Variants in CCDC7 observed in about 807,000 individuals in gnomAD.
The protein encoded by CCDC7 is coiled-coil domain-containing protein 7.
CCDC7 carries 183 observed loss-of-function variants against 196.9 expected under a neutral mutation model. The observed-to-expected ratio is 0.93, with a 90% CI of 0.82 to 1.05. The LOEUF (loss-of-function observed/expected upper bound fraction) is 1.05, where lower values mean the gene tolerates loss of function less well. Ranked by LOEUF, CCDC7 falls within the 50% of genes least tolerant of loss-of-function variation. The probability of loss-of-function intolerance (pLI) is 0.00; values close to 1 mark genes in which losing one functional copy is unlikely to be tolerated. For synonymous variants in CCDC7, 525 were observed against 484.6 expected (o/e 1.08, Z -1.10); for missense variants, 1,540 against 1,482.2 (o/e 1.04, Z -0.64).
chr10:32,620,207 G>A (rs1043512737), intron 18 of CCDC7, among the ~76,000 whole-genome samples: 6 of 152,102 alleles, frequency 3.9e-5, no homozygotes, highest in African/African-American at 1.4e-4. Flanking sequence ...ATAGGCATGA[G>A]CCACTGTGCC....
intron 31 of CCDC7, among the ~76,000 whole-genome samples, chr10:32,821,245 A>G (rs1233300098): frequency 3.3e-5 from 5 of 152,364 alleles, no homozygotes; most frequent in African/African-American, 1.2e-4. Flanking sequence ...AGAAATGCAA[A>G]TCAAAACCAC....
At chr10:32,648,761 T>A (rs1263511304) in intron 20 of CCDC7, among the ~76,000 whole-genome samples, 1 of 152,224 alleles carries the variant, frequency 6.6e-6, no homozygotes, top group Non-Finnish European at 1.5e-5. Flanking sequence ...TCTCTAACGA[T>A]CAGAGATACT....
At chr10:32,790,524 G>A (rs1487793696) in intron 29 of CCDC7, among the ~76,000 whole-genome samples, 1 of 152,134 alleles carries the variant, frequency 6.6e-6, no homozygotes, top group Non-Finnish European at 1.5e-5. Flanking sequence ...GCAGAACATG[G>A]GCTTTATTGT....
At chr10:32,811,527 G>A (rs2087113441) in intron 30 of CCDC7, among the ~76,000 whole-genome samples, 1 of 152,074 alleles carries the variant, frequency 6.6e-6, no homozygotes, top group African/African-American at 2.4e-5. Context: ...TTCCGTAGCA[G>A]AGGAGATTGA....
At chr10:32,688,804 C>G (rs1318728883) in intron 22 of CCDC7, among the ~76,000 whole-genome samples, 1 of 152,006 alleles carries the variant, frequency 6.6e-6, no homozygotes, top group Non-Finnish European at 1.5e-5. Flanking sequence ...ATATAAAAAA[C>G]CTAAGAAAGC....
chr10:32,858,244 A>G (rs1349436892), intron 41 of CCDC7, among the ~76,000 whole-genome samples: 2 of 152,188 alleles, frequency 1.3e-5, no homozygotes, highest in Non-Finnish European at 2.9e-5. Context: ...GTGCTTCTTA[A>G]ACTCTTCCAA....
intron 31 of CCDC7, among the ~76,000 whole-genome samples, chr10:32,822,289 A>G (rs1440439140): frequency 6.6e-6 from 1 of 152,180 alleles, no homozygotes; most frequent in Non-Finnish European, 1.5e-5. Context: ...CTGTATAAAA[A>G]ATTTATATAA....
intron 20 of CCDC7, among the ~76,000 whole-genome samples, chr10:32,651,516 G>T (rs1249421365): frequency 6.6e-6 from 1 of 152,174 alleles, no homozygotes; most frequent in Non-Finnish European, 1.5e-5. Flanking sequence ...ATGAAAAATG[G>T]CTCAGCAGTC....
intron 20 of CCDC7, among the ~76,000 whole-genome samples, chr10:32,649,798 A>G (rs535999422): frequency 5.4e-4 from 83 of 152,338 alleles, no homozygotes; most frequent in Middle Eastern, 3.4e-3. Flanking sequence ...AACTTGGTCT[A>G]TTCTGCTGTT....
chr10:32,758,369 G>A lies in CCDC7; in HGVS notation c.2906-20608G>A, dbSNP rs188693279. 3.9e-5 allele frequency among the ~76,000 whole-genome samples: 6 copies of A among 152,222 alleles called. No homozygotes were observed. The East Asian group carries it at 9.6e-4, about 24-fold the overall frequency. On this transcript the variant is annotated intron_variant, in intron 28 of 41. Coordinates refer to ENST00000639629, the Ensembl canonical transcript of CCDC7. The stretch of plus-strand genomic sequence containing the variant: ...ATCCTCAATGAAATACTGGCAATCC[G>A]AATCCAGCAGCACATCAAAAACTTA...
intron 29 of CCDC7, among the ~76,000 whole-genome samples, chr10:32,784,782 T>C (rs1231608874): frequency 6.6e-6 from 1 of 151,998 alleles, no homozygotes; most frequent in Non-Finnish European, 1.5e-5. Context: ...AGAGTAGATC[T>C]CCCGAGGTCA....
At position 32,785,939 on chromosome 10, in the gene CCDC7, GT is replaced by G. The variant is rs367966572; in HGVS notation, c.3013+6856del. 9.0e-4 allele frequency among the ~76,000 whole-genome samples: 137 copies of G among 152,212 alleles called. 1 individual carries two copies. Among genetic ancestry groups the G allele is most frequent in the African/African-American group, 3.1e-3 (127 of 41,530 alleles). ...GATTCCTTCCTCAGCTTGATATATA[GT>G]GCTGTTAATACCTGTGATTAACAAG... On this transcript the variant is annotated intron_variant, in intron 29 of 41. Coordinates refer to ENST00000639629, the Ensembl canonical transcript of CCDC7.
intron 25 of CCDC7, among the ~76,000 whole-genome samples, chr10:32,714,159 A>T (rs1026200570): frequency 6.6e-6 from 1 of 152,166 alleles, no homozygotes; most frequent in Non-Finnish European, 1.5e-5. Flanking sequence ...AGTGATACCA[A>T]TGCAGAAGGT....
At chr10:32,776,690 C>T (rs1258067796) in intron 28 of CCDC7, among the ~76,000 whole-genome samples, 5 of 152,018 alleles carry the variant, frequency 3.3e-5, no homozygotes, top group Non-Finnish European at 7.4e-5. Flanking sequence ...TTAGTATAAT[C>T]GATGGCATAT....
intron 28 of CCDC7, among the ~76,000 whole-genome samples, chr10:32,748,054 C>A (rs1042906762): frequency 2.6e-5 from 4 of 152,160 alleles, no homozygotes; most frequent in African/African-American, 9.7e-5. Context: ...AACTCATGTC[C>A]TTTGCAGCAA....
At chr10:32,767,654 C>G (rs1409617464) in intron 28 of CCDC7, among the ~76,000 whole-genome samples, 1 of 151,986 alleles carries the variant, frequency 6.6e-6, no homozygotes, top group African/African-American at 2.4e-5. Flanking sequence ...TGGGTACGAG[C>G]AAGTCCAGAC....
intron 28 of CCDC7, among the ~76,000 whole-genome samples, chr10:32,769,143 T>C (rs2078769786): frequency 6.6e-6 from 1 of 152,196 alleles, no homozygotes; most frequent in Non-Finnish European, 1.5e-5. Flanking sequence ...TCTGAGCTTT[T>C]TTTTTATTGG....
In CCDC7 at chr10:32,676,313, C is replaced by A. The variant is rs747327626; in HGVS notation, c.2123-9657C>A. 2.9e-3 allele frequency among the ~76,000 whole-genome samples: 444 copies of A among 151,776 alleles called. 2 individuals carry two copies. Among genetic ancestry groups the A allele is most frequent in the Non-Finnish European group, 4.9e-3 (330 of 67,914 alleles). On this transcript the variant is annotated intron_variant, in intron 21 of 41. Transcript: ENST00000639629. ...ACCATTCAGGACATAGGCATGGGCACGGACTTCATGTCTAAAACACCAAAA... is the reference window on the plus strand; with the variant it reads ...ACCATTCAGGACATAGGCATGGGCAAGGACTTCATGTCTAAAACACCAAAA...
At chr10:32,654,076 A>T (rs73257497) in intron 20 of CCDC7, among the ~76,000 whole-genome samples, 9,193 of 151,918 alleles carry the variant, frequency 0.061, 893 homozygotes, top group African/African-American at 0.21. Context: ...AATGTCACTA[A>T]TTTTTTTGTC....
Sources: allele counts gnomAD v4.1 joint callset (sites outside exome capture counted in the v4.1 genomes callset), GRCh38; gene constraint gnomAD v4.1.1; transcripts MANE v1.5; gene names NCBI Gene and HGNC (gene_info 2026-07-23, HGNC 2026-07-21).